Variants in TYW1 observed in about 807,000 individuals in gnomAD.
TYW1 encodes tRNA-yW synthesizing protein 1 homolog, also known as S-adenosyl-L-methionine-dependent tRNA 4-demethylwyosine synthase TYW1.
TYW1 carries 46 observed loss-of-function variants against 96.2 expected under a neutral mutation model. That is an observed-to-expected ratio of 0.48 (90% CI 0.38 to 0.61). TYW1 has a LOEUF of 0.61. Ranked by LOEUF, TYW1 falls within the 20% of genes least tolerant of loss-of-function variation. The pLI is 0.00. For missense variants in TYW1, 684 were observed against 909.6 expected, an observed-to-expected ratio of 0.75 and a Z score of 3.19; for synonymous variants, 274 against 323.0, an observed-to-expected ratio of 0.85 and a Z score of 1.63.
intron 4 of TYW1, among the ~76,000 whole-genome samples, chr7:67,010,300 A>T (rs966837435): frequency 1.3e-5 from 2 of 151,214 alleles, no homozygotes; most frequent in African/African-American, 4.9e-5. Context: ...CCTGGCCCCT[A>T]CTATTTTTAT....
intron 13 of TYW1, among the ~76,000 whole-genome samples, chr7:67,129,040 A>G (rs1233077147): frequency 6.6e-6 from 1 of 152,084 alleles, no homozygotes; most frequent in Non-Finnish European, 1.5e-5. Flanking sequence ...AACTTCACAA[A>G]TACTTCTCAG....
chr7:67,223,144 C>T (rs1039430093), intron 15 of TYW1, among the ~76,000 whole-genome samples: 8 of 152,120 alleles, frequency 5.3e-5, no homozygotes, highest in African/African-American at 1.9e-4. Context: ...GTTTTAAAGT[C>T]TGTTTCTAGT....
At chr7:67,209,250 A>G (rs897908137) in intron 15 of TYW1, among the ~76,000 whole-genome samples, 5 of 152,238 alleles carry the variant, frequency 3.3e-5, no homozygotes, top group Non-Finnish European at 5.9e-5. Flanking sequence ...GGAGATGACC[A>G]CAGTTGCCTA....
At chr7:67,029,914 C>T (rs1055526375) in intron 7 of TYW1, among the ~76,000 whole-genome samples, 16 of 151,906 alleles carry the variant, frequency 1.1e-4, no homozygotes, top group African/African-American at 3.9e-4. Flanking sequence ...TTGCCCAGGC[C>T]GATCTAGGTT....
intron 11 of TYW1, among the ~76,000 whole-genome samples, chr7:67,086,854 C>T (rs1796563642): frequency 6.6e-6 from 1 of 152,072 alleles, no homozygotes; most frequent in Non-Finnish European, 1.5e-5. Flanking sequence ...TAAAATTAAC[C>T]ATCACAGATA....
chr7:67,040,180 A>G (rs1339158040), intron 7 of TYW1, among the ~76,000 whole-genome samples: 1 of 144,896 alleles, frequency 6.9e-6, no homozygotes, highest in Non-Finnish European at 1.5e-5. Flanking sequence ...GTAATTTTGA[A>G]CTCCTGACCT....
At chr7:67,223,497 T>A (rs1801462176) in intron 15 of TYW1, among the ~76,000 whole-genome samples, 1 of 151,872 alleles carries the variant, frequency 6.6e-6, no homozygotes, top group Non-Finnish European at 1.5e-5. Context: ...TTTTTTAATG[T>A]CTTAGTCTTT....
chr7:67,218,169 T>A (rs541808069), intron 15 of TYW1, among the ~76,000 whole-genome samples: 1 of 152,212 alleles, frequency 6.6e-6, no homozygotes, highest in South Asian at 2.1e-4. Context: ...AGTGTTGACA[T>A]CTTAATATTA....
At chr7:67,103,826 A>G (rs1439529236) in intron 12 of TYW1, among the ~76,000 whole-genome samples, 2 of 152,172 alleles carry the variant, frequency 1.3e-5, no homozygotes, top group African/African-American at 2.4e-5. Flanking sequence ...AAGTTCAGCT[A>G]TTTGCTGAGC....
chr7:67,061,486 G>T (rs547196829), intron 9 of TYW1, among the ~76,000 whole-genome samples: 1 of 152,304 alleles, frequency 6.6e-6, no homozygotes, highest in African/African-American at 2.4e-5. Context: ...GAGCTAGGAA[G>T]CCAAACCAGG....
intron 13 of TYW1, among the ~76,000 whole-genome samples, chr7:67,120,304 A>G (rs1277450477): frequency 6.6e-6 from 1 of 151,850 alleles, no homozygotes; most frequent in African/African-American, 2.4e-5. Flanking sequence ...CTGGTCTCAA[A>G]ACTCCTGACC....
At chr7:67,088,797 T>C (rs1796624293) in intron 11 of TYW1, among the ~76,000 whole-genome samples, 1 of 152,238 alleles carries the variant, frequency 6.6e-6, no homozygotes, top group African/African-American at 2.4e-5. Context: ...CTCGAACTCC[T>C]GGGCTCAAGC....
At chr7:67,152,768 A>G (rs966190056) in intron 13 of TYW1, among the ~76,000 whole-genome samples, 2 of 151,878 alleles carry the variant, frequency 1.3e-5, no homozygotes, top group African/African-American at 4.8e-5. Context: ...CGCCTGGCTC[A>G]TTTTTGTATT....
At chr7:67,079,837 C>T (rs1796326184) in intron 10 of TYW1, among the ~76,000 whole-genome samples, 1 of 151,900 alleles carries the variant, frequency 6.6e-6, no homozygotes, top group Non-Finnish European at 1.5e-5. Context: ...TTCTTGCTTT[C>T]TTCATTGACT....
chr7:67,193,261 A>G (rs757245878), intron 14 of TYW1, among the ~76,000 whole-genome samples: 1 of 152,186 alleles, frequency 6.6e-6, no homozygotes, highest in Non-Finnish European at 1.5e-5. Context: ...TCACCGGGCA[A>G]ACTGAGAAGA....
chr7:67,154,464 T>C (rs1237580945), intron 13 of TYW1, among the ~76,000 whole-genome samples: 2 of 138,860 alleles, frequency 1.4e-5, no homozygotes, highest in Non-Finnish European at 3.1e-5. Flanking sequence ...AGGATAGTTT[T>C]GCTGGATTTG....
At position 67,092,431 on chromosome 7, in the gene TYW1, T is replaced by A. The variant is rs567605557; in HGVS notation, c.1385-6110T>A. Among the ~76,000 whole-genome samples the A allele has an allele frequency of 9.2e-5, 14 of 152,262 alleles. 1 individual carries two copies. The South Asian group carries it at 1.9e-3, about 20-fold the overall frequency. On this transcript the variant is annotated intron_variant, in intron 11 of 15. Coordinates refer to ENST00000359626, the MANE Select transcript of TYW1 (RefSeq NM_018264.4). ...CAAAATCCTGCATTGGCTACCCATG[T>A]GACTCAGGTTCCCTAGACATAATCA...
chr7:67,126,330 G>A (rs1797913442), intron 13 of TYW1, among the ~76,000 whole-genome samples: 1 of 151,686 alleles, frequency 6.6e-6, no homozygotes, highest in Non-Finnish European at 1.5e-5. Flanking sequence ...TAATTGGGTT[G>A]TTCATTTTCT....
At chr7:67,070,444 T>C (rs1262115065) in intron 10 of TYW1, among the ~76,000 whole-genome samples, 1 of 152,208 alleles carries the variant, frequency 6.6e-6, no homozygotes, top group Non-Finnish European at 1.5e-5. Context: ...CTTCACACTT[T>C]TTTTTTTCTA....
Sources: gnomAD v4.1 joint callset for allele counts (sites outside exome capture counted in the v4.1 genomes callset) on GRCh38, gnomAD v4.1.1 for gene constraint, MANE v1.5 for transcripts, NCBI Gene and HGNC (gene_info 2026-07-23, HGNC 2026-07-21) for gene names.